Variants in KCNQ5 observed in about 807,000 individuals in gnomAD.
The protein encoded by KCNQ5 is potassium voltage-gated channel subfamily KQT member 5.
KCNQ5 carries 30 observed loss-of-function variants against 98.2 expected under a neutral mutation model. The ratio of observed to expected loss-of-function variants is 0.31; its 90% CI spans 0.23 to 0.41. The LOEUF is 0.41. Ranked by LOEUF, KCNQ5 falls within the 10% of genes least tolerant of loss-of-function variation. KCNQ5 has a pLI of 1.00. For synonymous variants in KCNQ5, 458 were observed against 449.4 expected, an observed-to-expected ratio of 1.02 and a Z score of -0.24; for missense variants, 835 against 1,182.5, an observed-to-expected ratio of 0.71 and a Z score of 4.31.
In KCNQ5 at chr6:73,149,739, G is replaced by A. The variant is rs139619633; in HGVS notation, c.1468+16098G>A. 6.5e-3 allele frequency among the ~76,000 whole-genome samples: 983 copies of A among 151,266 alleles called. 16 individuals carry two copies. The highest frequency in any genetic ancestry group is 0.023 in the African/African-American group (944 of 41,068). The stretch of plus-strand genomic sequence containing the variant: ...TTGAACCTGGCAGGCGGAGGCTGCA[G>A]TGAGCCGAGATTGGGCCGCTGTACT... On this transcript the variant is annotated intron_variant, in intron 10 of 13. Coordinates refer to ENST00000370398, the MANE Select transcript of KCNQ5 (RefSeq NM_019842.4).
intron 10 of KCNQ5, chr6:73,158,075 G>A (rs1243785204): frequency 1.5e-5 from 8 of 543,330 alleles, no homozygotes; most frequent in Non-Finnish European, 2.7e-5. Flanking sequence ...GACGCCGCCG[G>A]AACCCGCGCT....
intron 1 of KCNQ5, among the ~76,000 whole-genome samples, chr6:72,776,796 G>A (rs545871493): frequency 6.6e-5 from 10 of 152,298 alleles, no homozygotes; most frequent in African/African-American, 2.2e-4. Flanking sequence ...TTCAGGTGGA[G>A]GAGGCAGGGA....
At chr6:73,137,841 A>G (rs1416768375) in intron 10 of KCNQ5, among the ~76,000 whole-genome samples, 2 of 152,144 alleles carry the variant, frequency 1.3e-5, no homozygotes, top group Admixed American at 6.5e-5. Flanking sequence ...TCTCCTAGAT[A>G]TTATATCAAT....
At chr6:73,118,856 A>C (rs1775623520) in intron 7 of KCNQ5, among the ~76,000 whole-genome samples, 1 of 152,096 alleles carries the variant, frequency 6.6e-6, no homozygotes, top group African/African-American at 2.4e-5. Flanking sequence ...CCCTGTCTCT[A>C]CTAAAAATAC....
At chr6:72,786,183 A>G (rs557878302) in intron 1 of KCNQ5, among the ~76,000 whole-genome samples, 1 of 152,200 alleles carries the variant, frequency 6.6e-6, no homozygotes. Flanking sequence ...ATTTTAACAT[A>G]GCACACCTCA....
At chr6:72,832,029 A>G (rs1458115509) in intron 1 of KCNQ5, among the ~76,000 whole-genome samples, 1 of 152,212 alleles carries the variant, frequency 6.6e-6, no homozygotes, top group Admixed American at 6.5e-5. Flanking sequence ...GGATGAAGGC[A>G]GTATTAATTG....
At chr6:72,794,571 G>A (rs1228076692) in intron 1 of KCNQ5, among the ~76,000 whole-genome samples, 2 of 152,080 alleles carry the variant, frequency 1.3e-5, no homozygotes, top group Admixed American at 1.3e-4. Context: ...TAAGCCTTGA[G>A]GTTAATTTTA....
At chr6:72,841,689 A>G (rs1333425872) in intron 1 of KCNQ5, among the ~76,000 whole-genome samples, 1 of 152,050 alleles carries the variant, frequency 6.6e-6, no homozygotes, top group African/African-American at 2.4e-5. Flanking sequence ...ATATTCCTAT[A>G]TATATTCCTT....
At chr6:73,016,695 G>A (rs531330584) in intron 2 of KCNQ5, among the ~76,000 whole-genome samples, 8 of 152,150 alleles carry the variant, frequency 5.3e-5, no homozygotes, top group South Asian at 2.1e-4. Flanking sequence ...CATGAATAGC[G>A]AAAGGGCATG....
chr6:72,678,006 G>GA (rs891638632), intron 1 of KCNQ5, among the ~76,000 whole-genome samples: 7 of 152,162 alleles, frequency 4.6e-5, no homozygotes, highest in South Asian at 2.1e-4. Context: ...TTTGTTTATG[G>GA]AAAAAAAGAA....
chr6:73,104,396 G>A (rs1275712352), intron 5 of KCNQ5, among the ~76,000 whole-genome samples: 2 of 152,052 alleles, frequency 1.3e-5, no homozygotes, highest in East Asian at 3.8e-4. Context: ...TAACCAAGGA[G>A]CTGAAAGACC....
intron 1 of KCNQ5, among the ~76,000 whole-genome samples, chr6:72,847,722 G>C (rs61096548): frequency 0.16 from 24,342 of 152,048 alleles, 2,710 homozygotes; most frequent in African/African-American, 0.32. Context: ...TTGCCATTAT[G>C]TATATGACCA....
At chr6:72,775,941 A>G (rs1730617447) in intron 1 of KCNQ5, among the ~76,000 whole-genome samples, 1 of 152,200 alleles carries the variant, frequency 6.6e-6, no homozygotes, top group Non-Finnish European at 1.5e-5. Context: ...AGAAAAAATG[A>G]TATGAGGTAA....
chr6:72,854,573 G>A (rs1362735578), intron 1 of KCNQ5, among the ~76,000 whole-genome samples: 2 of 151,818 alleles, frequency 1.3e-5, no homozygotes, highest in Admixed American at 1.3e-4. Context: ...GAGAATAAGT[G>A]TGAGGATATG....
At chr6:72,960,186 A>G (rs1202765895) in intron 1 of KCNQ5, among the ~76,000 whole-genome samples, 1 of 152,172 alleles carries the variant, frequency 6.6e-6, no homozygotes, top group Non-Finnish European at 1.5e-5. Flanking sequence ...TGACCAAATG[A>G]TCCCATGGCC....
At chr6:72,960,704 G>T (rs562901641) in intron 1 of KCNQ5, among the ~76,000 whole-genome samples, 1 of 152,324 alleles carries the variant, frequency 6.6e-6, no homozygotes, top group Non-Finnish European at 1.5e-5. Context: ...GGGATTACAG[G>T]TGTGAGCCAC....
At chr6:72,816,097 A>G (rs949674276) in intron 1 of KCNQ5, among the ~76,000 whole-genome samples, 6 of 152,204 alleles carry the variant, frequency 3.9e-5, no homozygotes, top group Non-Finnish European at 7.3e-5. Context: ...AAATGAGGTG[A>G]ACACTTTGGA....
At chr6:72,623,042 C>CGA (rs1179209339) in intron 1 of KCNQ5, among the ~76,000 whole-genome samples, 6 of 151,796 alleles carry the variant, frequency 4.0e-5, no homozygotes, top group African/African-American at 1.5e-4. Context: ...GAGGGGGCAT[C>CGA]GAGGGCTAGG....
chr6:73,123,359 T>C (rs375119208), intron 8 of KCNQ5, among the ~76,000 whole-genome samples: 4 of 152,116 alleles, frequency 2.6e-5, no homozygotes, highest in Admixed American at 6.5e-5. Context: ...AATGTTACTG[T>C]TATCATTAAA....
Sources: allele counts gnomAD v4.1 joint callset (sites outside exome capture counted in the v4.1 genomes callset), GRCh38; gene constraint gnomAD v4.1.1; transcripts MANE v1.5; gene names NCBI Gene and HGNC (gene_info 2026-07-23, HGNC 2026-07-21).